IDH3G: variants seen among roughly 807,000 people sequenced by gnomAD.
The protein encoded by IDH3G is isocitrate dehydrogenase (NAD(+)) 3 non-catalytic subunit gamma.
IDH3G carries 9 observed loss-of-function variants against 26.9 expected under a neutral mutation model. The ratio of observed to expected loss-of-function variants is 0.34; its 90% confidence interval spans 0.20 to 0.58. The LOEUF (loss-of-function observed/expected upper bound fraction) is 0.58, where lower values mean the gene tolerates loss of function less well. IDH3G is among the 20% of genes least tolerant of loss of function. IDH3G has a pLI of 0.85. For synonymous variants in IDH3G, 181 were observed against 160.0 expected (o/e 1.13, Z -0.99); for missense variants, 250 against 372.8 (o/e 0.67, Z 2.71).
At position 153,785,925 on chromosome X, in the gene IDH3G, G is replaced by A; in HGVS notation, c.1129C>T (p.Gln377Ter). ...ACGCGGATGTGGCGGATGACGTCCT[G>A]GATGGCTTCAGATGTTGTGCCCTGG... ...GGQGTTSEAI[Q>*]DVIRHIRVIN... The change falls in exon 13 of 13, where the codon CAG (glutamine) becomes TAG (stop). Residue 377 changes from glutamine (Q) to a stop codon, truncating the protein, a stop_gained. Coordinates refer to ENST00000217901, the MANE Select transcript of IDH3G (RefSeq NM_004135.4). LOFTEE classifies it high-confidence loss of function. The A allele has an allele frequency of 8.3e-7, 1 of 1,211,328 alleles. No homozygotes were observed. Among genetic ancestry groups the A allele is most frequent in the Non-Finnish European group, 1.1e-6 (1 of 895,483 alleles).
chrX:153,787,710 C>T (rs781855253), intron 7 of IDH3G, 113 bp from the exon 8 acceptor site: 460 of 1,137,064 alleles, frequency 4.0e-4, no homozygotes, highest in Non-Finnish European at 4.6e-4. Context: ...CTATTTCTGG[C>T]TTCTCCCTCG....
chrX:153,790,528 G>GC (rs782749368), intron 3 of IDH3G, 36 bp downstream of exon 3: 4 of 1,181,684 alleles, frequency 3.4e-6, no homozygotes, highest in Non-Finnish European at 4.6e-6. Flanking sequence ...GCAACTAAGA[G>GC]CCCCCCAAAC....
chrX:153,787,762 C>T, intron 7 of IDH3G, 61 bp downstream of exon 7: 2 of 1,168,113 alleles, frequency 1.7e-6, no homozygotes, highest in South Asian at 3.7e-5. Flanking sequence ...GTCCCTGGTT[C>T]CTTAAGCTCT....
Position 153,794,127 on chromosome X carries a change from C to A in IDH3G, c.81+119G>T. ...GCGGCCAATCAACCCCGGCGCGAAG[C>A]CCTTTCCCCGCCCCTGGTGGGGCCC... On this transcript the variant is annotated intron_variant, in intron 1 of 12. Coordinates refer to ENST00000217901, the MANE Select transcript of IDH3G (RefSeq NM_004135.4). 8 of 793,376 alleles carry A rather than the reference C, an allele frequency of 1.0e-5. No individual in the cohort carries two copies. The South Asian group carries it at 2.0e-4, about 20-fold the overall frequency. The allele number at this position is 793,376 out of a possible 1,213,427, so 65.4% of individuals were successfully genotyped here.
intron 5 of IDH3G, 57 bp from the exon 6 acceptor site, chrX:153,788,192 G>A (rs1219014732): frequency 1.8e-6 from 2 of 1,111,540 alleles, no homozygotes; most frequent in African/African-American, 3.6e-5. Context: ...ACCTCAGCAG[G>A]GCAGCTGAAG....
chrX:153,786,668 G>C (rs1049080332), intron 10 of IDH3G, 133 bp downstream of exon 10: 1 of 794,764 alleles, frequency 1.3e-6, no homozygotes, highest in Non-Finnish European at 1.8e-6. Flanking sequence ...GGTGACGGCA[G>C]TACAACCCTG....
chrX:153,786,607 G>T (rs188425825), intron 10 of IDH3G, among the ~76,000 whole-genome samples, 158 bp from the exon 11 acceptor site: 1 of 112,572 alleles, frequency 8.9e-6, no homozygotes, highest in Non-Finnish European at 1.9e-5. Context: ...GATAGCTTAT[G>T]GGGACAGGCT....
At chrX:153,790,423 C>A in intron 3 of IDH3G, 131 bp from the exon 4 acceptor site, 1 of 868,626 alleles carries the variant, frequency 1.2e-6, no homozygotes, top group Non-Finnish European at 1.7e-6. Flanking sequence ...CACAAGGTGC[C>A]AACTTGGGGC....
At chrX:153,793,897 C>T (rs1203998533) in intron 1 of IDH3G, 2 of 152,093 alleles carry the variant, frequency 1.3e-5, no homozygotes, top group African/African-American at 6.2e-5. Context: ...GTCCCGGAAC[C>T]GGATTCCCGA....
chrX:153,792,773 G>A (rs1415401851), intron 1 of IDH3G, among the ~76,000 whole-genome samples: 4 of 112,665 alleles, frequency 3.6e-5, no homozygotes, highest in East Asian at 2.8e-4. Context: ...CTGTACAGAT[G>A]CAGGCACCTT....
In IDH3G at chrX:153,791,115, T is replaced by G. The variant is rs782169597; in HGVS notation, c.82-264A>C. On this transcript the variant is annotated intron_variant, in intron 1 of 12. Coordinates refer to ENST00000217901, the MANE Select transcript of IDH3G (RefSeq NM_004135.4). Reference sequence around the variant, plus strand: ...TTTCTTAAAAGGCGTGTCCCTGCCCTCCCTCCTCTTTTTTGCTTCTGATTA... The same window carrying G: ...TTTCTTAAAAGGCGTGTCCCTGCCCGCCCTCCTCTTTTTTGCTTCTGATTA... The G allele has an allele frequency of 1.2e-5, 4 of 342,807 alleles. No homozygotes were observed. In the East Asian group the frequency reaches 1.8e-4, roughly 15 times the overall value. The allele number at this position is 342,807 out of a possible 1,213,427, so 28.3% of individuals were successfully genotyped here. A position where few individuals can be genotyped will look rare whatever the true frequency, so the allele number is the denominator to read the frequency against.
At chrX:153,786,143 G>A in intron 12 of IDH3G, 69 bp downstream of exon 12, 4 of 1,202,238 alleles carry the variant, frequency 3.3e-6, no homozygotes, top group Non-Finnish European at 4.5e-6. Context: ...CAGTGCATGA[G>A]GCGGGCTACA....
rs113367007 is a variant in IDH3G at position 153,789,978 on chromosome X, G to A, written c.234-154C>T. 3.6e-4 allele frequency: 172 copies of A among 482,807 alleles called. No homozygotes were observed. The African/African-American group carries it at 3.8e-3, about 11-fold the overall frequency. The allele number at this position is 482,807 out of a possible 1,213,427, so 39.8% of individuals were successfully genotyped here. ...CACCTTCACTGACTGATGGGGACAC[G>A]CTTGAACTCCACAATGCACACTGTG... On this transcript the variant is annotated intron_variant, in intron 4 of 12. Transcript: ENST00000217901.
rs782131065 is a variant in IDH3G at position 153,786,148 on chromosome X, G to A, written c.1080+64C>T. 6.7e-6 allele frequency: 8 copies of A among 1,200,787 alleles called. No individual in the cohort carries two copies. The East Asian group carries it at 1.8e-4, about 27-fold the overall frequency. ...GGGCTGTGGTCAGTGCATGAGGCGG[G>A]CTACAGGAGGCTGCAGGGGGAGACT... On this transcript the variant is annotated intron_variant, in intron 12 of 12. Coordinates refer to ENST00000217901, the MANE Select transcript of IDH3G (RefSeq NM_004135.4).
intron 5 of IDH3G, among the ~76,000 whole-genome samples, chrX:153,788,835 GC>G (rs1301196396): frequency 8.9e-6 from 1 of 112,959 alleles, no homozygotes; most frequent in Non-Finnish European, 1.9e-5. Flanking sequence ...CAAGTAATGG[GC>G]TGAGTGTGCA....
At chrX:153,787,789 C>G (rs199667696) in intron 7 of IDH3G, 34 bp downstream of exon 7, 137 of 1,192,301 alleles carry the variant, frequency 1.1e-4, no homozygotes, top group Non-Finnish European at 1.4e-4. Flanking sequence ...AATCTTGACG[C>G]TGGGGGGGCT....
chrX:153,787,098 G>A lies in IDH3G; in HGVS notation c.730C>T (p.Pro244Ser), dbSNP rs782594675. Residue 244 changes from proline to serine, a missense_variant, in exon 9 of 13, where the codon CCT (proline) becomes TCT (serine). Around this residue, in one of 2 missense-constraint regions of IDH3G, gnomAD observed 201 missense variants for 331.3 expected, o/e 0.61. Coordinates refer to ENST00000217901, the MANE Select transcript of IDH3G (RefSeq NM_004135.4). ...ATCATGTTCTCGAAGGTGATCTGAG[G>A]GTAGCGGGCTGCCACCTCCCTGCAG... is the stretch of plus-strand genomic sequence containing the variant. ...QCCREVAARYPQITFENMIVD... is the reference protein window; with the variant it reads ...QCCREVAARYSQITFENMIVD... The A allele has an allele frequency of 9.1e-6, 11 of 1,209,618 alleles. No homozygotes were observed. In the African/African-American group the frequency reaches 1.6e-4, roughly 17 times the overall value.
intron 5 of IDH3G, among the ~76,000 whole-genome samples, chrX:153,788,434 A>C (rs1248308205): frequency 8.9e-6 from 1 of 112,719 alleles, no homozygotes; most frequent in African/African-American, 3.2e-5. Flanking sequence ...CAGGCTCTGG[A>C]GCAACAGAAA....
chrX:153,794,139 C>T, intron 1 of IDH3G, 107 bp downstream of exon 1: 1 of 897,236 alleles, frequency 1.1e-6, no homozygotes, highest in Non-Finnish European at 1.5e-6. Context: ...CTTTCCCCGC[C>T]CCTGGTGGGG....
Sources: allele counts gnomAD v4.1 joint callset (sites outside exome capture counted in the v4.1 genomes callset), GRCh38; gene constraint gnomAD v4.1.1; regional missense constraint gnomAD v4.1.1; transcripts MANE v1.5; gene names NCBI Gene and HGNC (gene_info 2026-07-23, HGNC 2026-07-21).